Variants in PEPD observed in about 807,000 individuals in gnomAD.
The protein encoded by PEPD is xaa-Pro dipeptidase.
Under a neutral mutation model 60.7 loss-of-function variants are expected in PEPD, and 53 were observed. The ratio of observed to expected loss-of-function variants is 0.87; its 90% CI spans 0.70 to 1.10. PEPD has a LOEUF of 1.10. Ranked by LOEUF, PEPD falls within the 50% of genes least tolerant of loss-of-function variation. The probability of loss-of-function intolerance (pLI) is 0.00; values close to 1 mark genes in which losing one functional copy is unlikely to be tolerated. For synonymous variants in PEPD, 267 were observed against 284.1 expected (o/e 0.94, Z 0.60); for missense variants, 711 against 711.9 (o/e 1.00, Z 0.01).
intron 12 of PEPD, among the ~76,000 whole-genome samples, chr19:33,398,655 A>T (rs569399776): frequency 6.6e-5 from 10 of 152,398 alleles, no homozygotes; most frequent in Admixed American, 2.0e-4. Context: ...AAACTGAGCA[A>T]GAAATTCTCA....
intron 7 of PEPD, among the ~76,000 whole-genome samples, chr19:33,468,533 G>A (rs550615812): frequency 2.4e-4 from 36 of 152,348 alleles, no homozygotes; most frequent in African/African-American, 7.0e-4. Flanking sequence ...GCGGGAATGC[G>A]AGGGGCCTGG....
intron 14 of PEPD, 89 bp downstream of exon 14, chr19:33,387,801 A>C: frequency 9.0e-7 from 1 of 1,111,458 alleles, no homozygotes; most frequent in Non-Finnish European, 1.3e-6. Context: ...AGATGTCACT[A>C]GGGCCCCTGT....
chr19:33,411,088 C>T (rs1230372728), intron 11 of PEPD, among the ~76,000 whole-genome samples: 1 of 152,202 alleles, frequency 6.6e-6, no homozygotes, highest in Non-Finnish European at 1.5e-5. Flanking sequence ...GGCCGCAGGG[C>T]CTGCCCACAT....
At chr19:33,437,299 G>A (rs879288376) in intron 9 of PEPD, among the ~76,000 whole-genome samples, 1 of 152,000 alleles carries the variant, frequency 6.6e-6, no homozygotes, top group African/African-American at 2.4e-5. Context: ...GCAATTCCAC[G>A]AACAAATGGT....
At chr19:33,460,897 G>A (rs1969913328) in intron 9 of PEPD, among the ~76,000 whole-genome samples, 1 of 152,158 alleles carries the variant, frequency 6.6e-6, no homozygotes, top group Non-Finnish European at 1.5e-5. Context: ...GGGGGTGGAG[G>A]GAAGGTGGAG....
intron 12 of PEPD, among the ~76,000 whole-genome samples, chr19:33,398,633 T>C (rs1476100978): frequency 6.6e-6 from 1 of 152,248 alleles, no homozygotes; most frequent in Non-Finnish European, 1.5e-5. Context: ...TTCGAGTGAC[T>C]AGTGGTATTT....
chr19:33,457,003 G>T lies in PEPD; in HGVS notation c.671+5992C>A, dbSNP rs191905195. Reference sequence around the variant, plus strand: ...CCAGCCCTGGTCAGAGACACACAAGGTGTCTCACCATCCACCCAGAGTGCC... The same window carrying T: ...CCAGCCCTGGTCAGAGACACACAAGTTGTCTCACCATCCACCCAGAGTGCC... On this transcript the variant is annotated intron_variant, in intron 9 of 14. Transcript: ENST00000244137. Among the ~76,000 whole-genome samples, 26 of 151,226 alleles carry T rather than the reference G, an allele frequency of 1.7e-4. No individual in the cohort carries two copies. The East Asian group carries it at 5.1e-3, about 30-fold the overall frequency.
chr19:33,397,639 C>T (rs1456453173), intron 12 of PEPD, among the ~76,000 whole-genome samples: 2 of 151,828 alleles, frequency 1.3e-5, no homozygotes, highest in Non-Finnish European at 2.9e-5. Context: ...GCTCCATTCC[C>T]TTACACAGGG....
At chr19:33,464,531 G>T (rs948630462) in intron 7 of PEPD, among the ~76,000 whole-genome samples, 1 of 152,196 alleles carries the variant, frequency 6.6e-6, no homozygotes, top group Non-Finnish European at 1.5e-5. Context: ...ACCTGCCCAC[G>T]GGTGGGTGAC....
At chr19:33,505,206 G>A (rs1218440544) in intron 3 of PEPD, among the ~76,000 whole-genome samples, 3 of 152,076 alleles carry the variant, frequency 2.0e-5, no homozygotes, top group East Asian at 1.9e-4. Flanking sequence ...CCCGCGGCCC[G>A]GCCTGCCTTC....
chr19:33,488,983 C>T (rs900053062), intron 6 of PEPD, among the ~76,000 whole-genome samples: 7 of 152,094 alleles, frequency 4.6e-5, no homozygotes, highest in Non-Finnish European at 1.0e-4. Context: ...GCCTTGTCTG[C>T]TATGGCATCA....
chr19:33,477,636 G>A (rs1472013557), intron 7 of PEPD, among the ~76,000 whole-genome samples: 1 of 152,180 alleles, frequency 6.6e-6, no homozygotes, highest in Non-Finnish European at 1.5e-5. Context: ...GAAGGAAGAA[G>A]GTGACAGAAG....
intron 12 of PEPD, among the ~76,000 whole-genome samples, chr19:33,395,685 C>CG (rs1429445818): frequency 6.6e-6 from 1 of 152,212 alleles, no homozygotes; most frequent in Non-Finnish European, 1.5e-5. Context: ...GCCTCCTACC[C>CG]GGAGTGTGAC....
Position 33,420,651 on chromosome 19 carries a change from G to A in PEPD, c.672-7008C>T, listed in dbSNP as rs144262871. ...TGGGAGGCGGAGGTTGTAGTGAGCC[G>A]AGATCGCACCAGTGCACTCCAGCCT... On this transcript the variant is annotated intron_variant, in intron 9 of 14. Transcript: ENST00000244137. 2.9e-3 allele frequency among the ~76,000 whole-genome samples: 447 copies of A among 152,060 alleles called. 2 individuals carry two copies. The highest frequency in any genetic ancestry group is 0.01 in the Middle Eastern group (3 of 294).
intron 9 of PEPD, among the ~76,000 whole-genome samples, chr19:33,423,667 A>G (rs539132917): frequency 1.4e-3 from 218 of 152,340 alleles, no homozygotes; most frequent in Non-Finnish European, 2.5e-3. Context: ...AAAACTGCGA[A>G]TGTTCATCAT....
At chr19:33,518,113 C>T (rs1256789757) in intron 1 of PEPD, among the ~76,000 whole-genome samples, 1 of 152,194 alleles carries the variant, frequency 6.6e-6, no homozygotes, top group Non-Finnish European at 1.5e-5. Context: ...CACTGGGCAC[C>T]AGACCGTAAG....
At chr19:33,463,547 T>C (rs76144939) in intron 8 of PEPD, among the ~76,000 whole-genome samples, 1,700 of 152,298 alleles carry the variant, frequency 0.011, 25 homozygotes, top group South Asian at 0.071. Context: ...TGTTTCCTTA[T>C]TTGGTCTCAT....
At chr19:33,497,507 C>A (rs749866303) in intron 4 of PEPD, among the ~76,000 whole-genome samples, 4 of 152,254 alleles carry the variant, frequency 2.6e-5, no homozygotes, top group Non-Finnish European at 5.9e-5. Context: ...GAGGAGGGAA[C>A]CTCGGAGCCA....
intron 13 of PEPD, 59 bp downstream of exon 13, chr19:33,391,236 G>T: frequency 7.2e-7 from 1 of 1,393,644 alleles, no homozygotes; most frequent in African/African-American, 1.4e-5. Context: ...CCTGCCCTGG[G>T]GGTCAGGCTC....
Sources: gnomAD v4.1 joint callset for allele counts (sites outside exome capture counted in the v4.1 genomes callset) on GRCh38, gnomAD v4.1.1 for gene constraint, MANE v1.5 for transcripts, NCBI Gene and HGNC (gene_info 2026-07-23, HGNC 2026-07-21) for gene names.